The following PTPRN2 variants were observed in gnomAD, a reference collection of about 807,000 sequenced individuals.
PTPRN2 encodes protein tyrosine phosphatase receptor type N2.
PTPRN2 carries 74 observed loss-of-function variants against 118.8 expected under a neutral mutation model. That is an observed-to-expected ratio of 0.62 (90% CI 0.52 to 0.76). The LOEUF is 0.76. PTPRN2 is among the 30% of genes least tolerant of loss of function. The pLI, the probability that PTPRN2 is intolerant of heterozygous loss-of-function variation, is 0.00. For missense variants in PTPRN2, 1,481 were observed against 1,394.4 expected (o/e 1.06, Z -0.99); for synonymous variants, 641 against 608.0 (o/e 1.05, Z -0.80).
Position 157,671,524 on chromosome 7 carries a change from G to T in PTPRN2, c.2001+11201C>A, listed in dbSNP as rs1049185582. 1.8e-5 allele frequency among the ~76,000 whole-genome samples: 2 copies of T among 113,120 alleles called. No individual in the cohort carries two copies. Among genetic ancestry groups the T allele is most frequent in the Non-Finnish European group, 3.7e-5 (2 of 53,488 alleles). The allele number at this position is 113,120 out of a possible 152,430, so 74.2% of individuals were successfully genotyped here. A position where few individuals can be genotyped will look rare whatever the true frequency, so the allele number is the denominator to read the frequency against. ...AGGGTCTGCAGGGATAAAGTGGGAGGGGGGGCGGTGCAACGGAGGGAGCCG... is the reference window on the plus strand; with the variant it reads ...AGGGTCTGCAGGGATAAAGTGGGAGTGGGGGCGGTGCAACGGAGGGAGCCG... On this transcript the variant is annotated intron_variant, in intron 13 of 22. Transcript: ENST00000389418. The surrounding 1 kb of genome is among the most constrained non-coding windows in gnomAD (Gnocchi z 4.1).
chr7:158,383,780 G>A (rs998572919), intron 2 of PTPRN2, among the ~76,000 whole-genome samples: 31 of 152,274 alleles, frequency 2.0e-4, no homozygotes, highest in African/African-American at 5.8e-4. Flanking sequence ...GTGTCTTCAC[G>A]CACACATATG....
At chr7:157,817,314 C>T (rs933448436) in intron 12 of PTPRN2, among the ~76,000 whole-genome samples, 3 of 152,194 alleles carry the variant, frequency 2.0e-5, no homozygotes, top group African/African-American at 7.2e-5. Flanking sequence ...GTTGCTGCTC[C>T]CCCAAACGAA....
At chr7:158,474,280 T>A (rs1820080203) in intron 2 of PTPRN2, among the ~76,000 whole-genome samples, 1 of 152,206 alleles carries the variant, frequency 6.6e-6, no homozygotes, top group Admixed American at 6.5e-5. Context: ...TGGGAAGGCC[T>A]TGGACCCCAG....
At chr7:158,197,386 C>T (rs983036470) in intron 4 of PTPRN2, among the ~76,000 whole-genome samples, 4 of 152,164 alleles carry the variant, frequency 2.6e-5, no homozygotes, top group South Asian at 2.1e-4. Flanking sequence ...AAATTTCCCA[C>T]ATACAGTAAT....
chr7:157,691,866 C>A (rs994709978), intron 12 of PTPRN2, among the ~76,000 whole-genome samples: 2 of 152,204 alleles, frequency 1.3e-5, no homozygotes, highest in Non-Finnish European at 2.9e-5. Context: ...CACCTCCCCC[C>A]CGCGCCTCCC....
rs527556609 is a variant in PTPRN2 at position 158,254,131 on chromosome 7, C to T, written c.278-48858G>A. 6.0e-3 allele frequency among the ~76,000 whole-genome samples: 146 copies of T among 24,174 alleles called. 6 individuals carry two copies. Among genetic ancestry groups the T allele is most frequent in the African/African-American group, 0.056 (131 of 2,344 alleles). The allele number at this position is 24,174 out of a possible 152,430, so 15.9% of individuals were successfully genotyped here. A position where few individuals can be genotyped will look rare whatever the true frequency, so the allele number is the denominator to read the frequency against. On this transcript the variant is annotated intron_variant, in intron 3 of 22. Coordinates refer to ENST00000389418, the MANE Select transcript of PTPRN2 (RefSeq NM_002847.5). ...CAGAGCCACTGCCCACGGCATGACCCGCCCTCCATCTCCACGTTCAGGAGC... is the reference window on the plus strand; with the variant it reads ...CAGAGCCACTGCCCACGGCATGACCTGCCCTCCATCTCCACGTTCAGGAGC...
chr7:158,034,674 C>T (rs1203891862), intron 11 of PTPRN2, among the ~76,000 whole-genome samples: 1 of 152,218 alleles, frequency 6.6e-6, no homozygotes, highest in Non-Finnish European at 1.5e-5. Context: ...GGGAGGGGCC[C>T]ATGCTAGGCC....
intron 2 of PTPRN2, among the ~76,000 whole-genome samples, chr7:158,336,333 CT>C (rs1805519845): frequency 7.0e-6 from 1 of 143,414 alleles, no homozygotes; most frequent in African/African-American, 2.6e-5. Flanking sequence ...GAGGTGACAC[CT>C]GCAGACGTCA....
chr7:157,988,142 G>A (rs1026578592), intron 11 of PTPRN2, among the ~76,000 whole-genome samples: 1 of 152,218 alleles, frequency 6.6e-6, no homozygotes, highest in East Asian at 1.9e-4. Context: ...TTTGTGGACT[G>A]TGAGTGATGC....
chr7:158,250,907 A>G (rs1182815770), intron 3 of PTPRN2, among the ~76,000 whole-genome samples: 1 of 152,124 alleles, frequency 6.6e-6, no homozygotes, highest in Admixed American at 6.6e-5. Flanking sequence ...CTTATTCTTA[A>G]AGTGTTTGTG....
intron 11 of PTPRN2, among the ~76,000 whole-genome samples, chr7:157,949,455 T>C (rs1800680975): frequency 6.6e-6 from 1 of 152,232 alleles, no homozygotes; most frequent in South Asian, 2.1e-4. Flanking sequence ...TGGACAGGAG[T>C]TTATTCCTCT....
At chr7:157,816,511 G>A (rs1336442006) in intron 12 of PTPRN2, among the ~76,000 whole-genome samples, 1 of 152,246 alleles carries the variant, frequency 6.6e-6, no homozygotes. Context: ...CTGGATATGA[G>A]TGAGAAACAA....
intron 12 of PTPRN2, among the ~76,000 whole-genome samples, chr7:157,843,610 G>A (rs1018638595): frequency 1.3e-5 from 2 of 152,214 alleles, no homozygotes; most frequent in Non-Finnish European, 2.9e-5. Flanking sequence ...GACGGCTGGT[G>A]CAGAAAAACA....
At chr7:157,686,558 A>AC (rs1288351820) in intron 12 of PTPRN2, among the ~76,000 whole-genome samples, 1 of 151,888 alleles carries the variant, frequency 6.6e-6, no homozygotes, top group Admixed American at 6.6e-5. Flanking sequence ...ATGGGCACCG[A>AC]CCCCCCAAGG....
intron 17 of PTPRN2, among the ~76,000 whole-genome samples, chr7:157,595,031 C>T (rs547528868): frequency 6.6e-6 from 1 of 152,282 alleles, no homozygotes; most frequent in South Asian, 2.1e-4. Flanking sequence ...CATTAAATCT[C>T]TCAAAGGGAA....
chr7:158,244,701 GTGGT>G (rs1460061210), intron 3 of PTPRN2, among the ~76,000 whole-genome samples: 2 of 120,114 alleles, frequency 1.7e-5, no homozygotes, highest in Non-Finnish European at 3.4e-5. Context: ...GTGAGTGTGT[GTGGT>G]TGTGAGTTGT....
intron 1 of PTPRN2, among the ~76,000 whole-genome samples, chr7:158,567,244 G>A (rs561514138): frequency 1.1e-4 from 16 of 152,284 alleles, no homozygotes; most frequent in African/African-American, 3.1e-4. Flanking sequence ...TTGCCCTCAC[G>A]GGCCACCTGC....
intron 11 of PTPRN2, among the ~76,000 whole-genome samples, chr7:158,049,168 T>C (rs1306756609): frequency 1.4e-5 from 2 of 145,852 alleles, no homozygotes; most frequent in Non-Finnish European, 3.0e-5. Flanking sequence ...CCATCAATCA[T>C]CATTGCCACC....
At chr7:158,372,107 G>T (rs1810043397) in intron 2 of PTPRN2, among the ~76,000 whole-genome samples, 1 of 152,170 alleles carries the variant, frequency 6.6e-6, no homozygotes, top group African/African-American at 2.4e-5. Context: ...GGCACAGAGG[G>T]AGGCTTGCCC....
Sources: allele counts gnomAD v4.1 joint callset (sites outside exome capture counted in the v4.1 genomes callset), GRCh38; gene constraint gnomAD v4.1.1; non-coding constraint Gnocchi (gnomAD v3.1); transcripts MANE v1.5; gene names NCBI Gene and HGNC (gene_info 2026-07-23, HGNC 2026-07-21).